The following SLC22A3 variants were observed in gnomAD, a reference collection of about 807,000 sequenced individuals.
The protein encoded by SLC22A3 is EMT organic cation transporter 3.
Under a neutral mutation model 59.1 loss-of-function variants are expected in SLC22A3, and 51 were observed. The ratio of observed to expected loss-of-function variants is 0.86; its 90% CI spans 0.69 to 1.09. The LOEUF (loss-of-function observed/expected upper bound fraction) is 1.09. Ranked by LOEUF, SLC22A3 falls within the 50% of genes least tolerant of loss-of-function variation. SLC22A3 has a pLI of 0.00. For missense variants in SLC22A3, 711 were observed against 726.3 expected, an observed-to-expected ratio of 0.98 and a Z score of 0.24; for synonymous variants, 325 against 292.0, an observed-to-expected ratio of 1.11 and a Z score of -1.15.
intron 1 of SLC22A3, among the ~76,000 whole-genome samples, chr6:160,362,938 C>G (rs1562468701): frequency 1.3e-5 from 2 of 149,534 alleles, no homozygotes; most frequent in South Asian, 2.1e-4. Flanking sequence ...CCCACGGATA[C>G]TTCGTTCCTG....
At chr6:160,430,533 A>G (rs894377923) in intron 5 of SLC22A3, among the ~76,000 whole-genome samples, 5 of 152,248 alleles carry the variant, frequency 3.3e-5, no homozygotes, top group Non-Finnish European at 5.9e-5. Context: ...AAAGACGAAT[A>G]AAGTGTTCTT....
chr6:160,423,970 C>A (rs919417775), intron 5 of SLC22A3, among the ~76,000 whole-genome samples: 3 of 152,210 alleles, frequency 2.0e-5, no homozygotes, highest in East Asian at 1.9e-4. Context: ...ACATTTAAGT[C>A]TTTAATCCAT....
chr6:160,403,318 A>G (rs1390996631), intron 2 of SLC22A3, among the ~76,000 whole-genome samples: 1 of 151,908 alleles, frequency 6.6e-6, no homozygotes, highest in Non-Finnish European at 1.5e-5. Context: ...CAATTCCTTG[A>G]AAGATTACAA....
chr6:160,374,768 C>T (rs1785529271), intron 1 of SLC22A3, among the ~76,000 whole-genome samples: 1 of 152,120 alleles, frequency 6.6e-6, no homozygotes, highest in South Asian at 2.1e-4. Flanking sequence ...AGAAGGGCCA[C>T]AGGAAAGAGA....
chr6:160,418,033 T>A (rs1427884300), intron 5 of SLC22A3, among the ~76,000 whole-genome samples: 1 of 152,176 alleles, frequency 6.6e-6, no homozygotes, highest in Non-Finnish European at 1.5e-5. Flanking sequence ...GATGGTAAAG[T>A]GTCAACTTGA....
At chr6:160,443,294 A>G (rs1788618352) in intron 8 of SLC22A3, among the ~76,000 whole-genome samples, 1 of 152,226 alleles carries the variant, frequency 6.6e-6, no homozygotes, top group African/African-American at 2.4e-5. Context: ...GGATTAGTGC[A>G]AATCAACCTC....
At chr6:160,364,083 C>T (rs1785119518) in intron 1 of SLC22A3, among the ~76,000 whole-genome samples, 1 of 151,978 alleles carries the variant, frequency 6.6e-6, no homozygotes, top group Non-Finnish European at 1.5e-5. Flanking sequence ...AGAGGGAGAA[C>T]ATGGTTAAAT....
At chr6:160,414,440 G>T (rs1787386518) in intron 5 of SLC22A3, among the ~76,000 whole-genome samples, 1 of 152,118 alleles carries the variant, frequency 6.6e-6, no homozygotes, top group Admixed American at 6.6e-5. Context: ...CTCCCAAAGT[G>T]ATTAATGAGT....
intron 1 of SLC22A3, among the ~76,000 whole-genome samples, chr6:160,376,795 T>C (rs1159863923): frequency 6.6e-6 from 1 of 152,214 alleles, no homozygotes; most frequent in African/African-American, 2.4e-5. Context: ...TATTTTTTGT[T>C]TTAATAACTC....
chr6:160,412,448 CCT>C (rs1787295653), intron 5 of SLC22A3, among the ~76,000 whole-genome samples: 2 of 152,138 alleles, frequency 1.3e-5, no homozygotes, highest in African/African-American at 4.8e-5. Context: ...CTGCCTTCTT[CCT>C]CTCTCTTATA....
intron 9 of SLC22A3, among the ~76,000 whole-genome samples, chr6:160,446,246 G>A (rs1181935911): frequency 6.6e-6 from 1 of 152,206 alleles, no homozygotes; most frequent in Non-Finnish European, 1.5e-5. Context: ...AATATAGGCT[G>A]AGTCTGGAGG....
chr6:160,353,937 A>G (rs552100735), intron 1 of SLC22A3, among the ~76,000 whole-genome samples: 3 of 152,264 alleles, frequency 2.0e-5, no homozygotes, highest in South Asian at 4.2e-4. Context: ...AGGTATCCCA[A>G]ATCTTATCAG....
intron 10 of SLC22A3, among the ~76,000 whole-genome samples, chr6:160,449,692 T>C (rs1179205490): frequency 6.6e-6 from 1 of 152,214 alleles, no homozygotes; most frequent in Non-Finnish European, 1.5e-5. Context: ...CAAACCCCTG[T>C]ATCAGAGGAA....
chr6:160,398,086 G>A lies in SLC22A3; in HGVS notation c.533+4G>A, dbSNP rs764173637. ...CCTTAGGCTATGCAGCAGACAGGTA[G>A]GTACCAATGTGACAGCCATTTTATG... On this transcript the variant is annotated splice_donor_region_variant and intron_variant, in intron 2 of 10. Transcript: ENST00000275300. The A allele has an allele frequency of 1.9e-6, 3 of 1,606,698 alleles. No individual in the cohort carries two copies. Among genetic ancestry groups the A allele is most frequent in the Admixed American group, 1.7e-5 (1 of 59,980 alleles).
chr6:160,370,359 A>G (rs1785357176), intron 1 of SLC22A3, among the ~76,000 whole-genome samples: 1 of 152,200 alleles, frequency 6.6e-6, no homozygotes, highest in Non-Finnish European at 1.5e-5. Flanking sequence ...CAACTCTTGT[A>G]GTTTGTCTCC....
chr6:160,437,333 T>G (rs1017634877), intron 7 of SLC22A3, 122 bp downstream of exon 7: 32 of 997,764 alleles, frequency 3.2e-5, no homozygotes, highest in Non-Finnish European at 4.7e-5. Context: ...TTTCGTGATG[T>G]CACTCCATTT....
In SLC22A3 at chr6:160,363,333, C is replaced by T. The variant is rs117565453; in HGVS notation, c.429+14485C>T. On this transcript the variant is annotated intron_variant, in intron 1 of 10. Transcript: ENST00000275300. ...GTCTAGGAAGATCCCATCGCGAAGG[C>T]CTCATGAGTCCCACGTGACCGGCAC... Among the ~76,000 whole-genome samples the T allele has an allele frequency of 3.0e-3, 451 of 152,338 alleles. 16 individuals carry two copies. In the East Asian group the frequency reaches 0.073, roughly 25 times the overall value.
intron 10 of SLC22A3, among the ~76,000 whole-genome samples, chr6:160,450,535 A>G (rs920140004): frequency 2.0e-5 from 3 of 152,230 alleles, no homozygotes; most frequent in Non-Finnish European, 4.4e-5. Flanking sequence ...AGGGACATAC[A>G]TCCTCAGCTT....
At chr6:160,417,879 G>T (rs2114875593) in intron 5 of SLC22A3, among the ~76,000 whole-genome samples, 1 of 152,340 alleles carries the variant, frequency 6.6e-6, no homozygotes, top group African/African-American at 2.4e-5. Context: ...GAGACATTCA[G>T]AATGGAGTTG....
Sources: allele counts gnomAD v4.1 joint callset (sites outside exome capture counted in the v4.1 genomes callset), GRCh38; gene constraint gnomAD v4.1.1; transcripts MANE v1.5; gene names NCBI Gene and HGNC (gene_info 2026-07-23, HGNC 2026-07-21).